Variants in ARG2 observed in about 807,000 individuals in gnomAD.
ARG2 encodes the protein arginase 2.
In ARG2, 21 loss-of-function variants were observed where a neutral mutation model predicts 39.4. The ratio of observed to expected loss-of-function variants is 0.53; its 90% confidence interval spans 0.38 to 0.77. ARG2 has a LOEUF of 0.77. Ranked by LOEUF, ARG2 falls within the 30% of genes least tolerant of loss-of-function variation. The pLI, the probability that ARG2 is intolerant of heterozygous loss-of-function variation, is 0.00. For synonymous variants in ARG2, 150 were observed against 156.7 expected (o/e 0.96, Z 0.32); for missense variants, 378 against 426.2 (o/e 0.89, Z 1.00).
chr14:67,650,078 A>C (rs2037152248), intron 7 of ARG2: 1 of 152,294 alleles, frequency 6.6e-6, no homozygotes, highest in East Asian at 1.9e-4. Flanking sequence ...ATATGGCTGA[A>C]TTTTCTCTTG....
At chr14:67,648,008 G>A (rs1469401058) in intron 6 of ARG2, 39 bp from the exon 7 acceptor site, 2 of 1,541,730 alleles carry the variant, frequency 1.3e-6, no homozygotes, top group African/African-American at 1.4e-5. Context: ...AACCAGTTAA[G>A]TATTATTTTA....
At chr14:67,632,807 A>ATTT (rs2036931641) in intron 2 of ARG2, among the ~76,000 whole-genome samples, 1 of 113,776 alleles carries the variant, frequency 8.8e-6, no homozygotes, top group Admixed American at 1.0e-4. Flanking sequence ...TAAGCCTCTT[A>ATTT]ATTTTTTTTT....
At chr14:67,620,505 A>T (rs1344129893) in intron 1 of ARG2, among the ~76,000 whole-genome samples, 1 of 152,162 alleles carries the variant, frequency 6.6e-6, no homozygotes, top group East Asian at 1.9e-4. Flanking sequence ...AGTCTTCTGG[A>T]TCCATTCACT....
At position 67,646,683 on chromosome 14, in the gene ARG2, A is replaced by T; in HGVS notation, c.562A>T (p.Ile188Phe). 6.2e-7 allele frequency: 1 copy of T among 1,613,812 alleles called. No homozygotes were observed. Among genetic ancestry groups the T allele is most frequent in the Non-Finnish European group, 8.5e-7 (1 of 1,179,726 alleles). ...AGGATTTTCCTGGATCAAACCTTGT[A>T]TCTCTTCTGCAAGTATTGTGTATAT... ...LPGFSWIKPCISSASIVYIGL... is the reference protein window; with the variant it reads ...LPGFSWIKPCFSSASIVYIGL... The change falls in exon 5 of 8, where the codon ATC becomes TTC. Residue 188 changes from isoleucine (I) to phenylalanine (F), a missense_variant. Transcript: ENST00000261783.
chr14:67,637,243 C>G (rs1210257681), intron 2 of ARG2, among the ~76,000 whole-genome samples: 1 of 151,630 alleles, frequency 6.6e-6, no homozygotes, highest in Non-Finnish European at 1.5e-5. Flanking sequence ...AACCTCGTCT[C>G]TACTAAAACT....
At chr14:67,636,456 T>G (rs2036973037) in intron 2 of ARG2, among the ~76,000 whole-genome samples, 1 of 152,226 alleles carries the variant, frequency 6.6e-6, no homozygotes, top group Admixed American at 6.5e-5. Flanking sequence ...GTAGAGCGTG[T>G]AGCACAGTGT....
At chr14:67,626,099 CA>C (rs2036863646) in intron 2 of ARG2, among the ~76,000 whole-genome samples, 1 of 151,928 alleles carries the variant, frequency 6.6e-6, no homozygotes, top group African/African-American at 2.4e-5. Context: ...CTAAAAAATA[CA>C]AAAATTAGCC....
intron 2 of ARG2, 110 bp from the exon 3 acceptor site, chr14:67,642,076 C>G: frequency 9.2e-7 from 1 of 1,084,348 alleles, no homozygotes; most frequent in Non-Finnish European, 1.3e-6. Context: ...TTTACTGTGA[C>G]AAAATGATTA....
At chr14:67,642,005 C>G (rs1387216933) in intron 2 of ARG2, among the ~76,000 whole-genome samples, 181 bp from the exon 3 acceptor site, 1 of 152,126 alleles carries the variant, frequency 6.6e-6, no homozygotes, top group Admixed American at 6.5e-5. Flanking sequence ...TTTCCAACAT[C>G]TGCAAAACTG....
At chr14:67,625,750 A>G (rs2036859919) in intron 2 of ARG2, among the ~76,000 whole-genome samples, 1 of 148,122 alleles carries the variant, frequency 6.8e-6, no homozygotes, top group Admixed American at 6.7e-5. Flanking sequence ...AAAAAAAAAG[A>G]GAAAAGGTAA....
rs1478160915 is a variant in ARG2 at position 67,628,561 on chromosome 14, A to G, written c.184+7595A>G. 1.2e-4 allele frequency among the ~76,000 whole-genome samples: 19 copies of G among 152,136 alleles called. 1 individual carries two copies. The highest frequency in any genetic ancestry group is 1.2e-3 in the Admixed American group (19 of 15,280). On this transcript the variant is annotated intron_variant, in intron 2 of 7. Coordinates refer to ENST00000261783, the MANE Select transcript of ARG2 (RefSeq NM_001172.4). The stretch of plus-strand genomic sequence containing the variant: ...ATGACAGCAAAGATTTTAACTTAAT[A>G]CCTCTTATTTAACTTAATACCTCTT...
chr14:67,647,008 T>G lies in ARG2; in HGVS notation c.705T>G (p.Phe235Leu). 1 of 1,610,902 alleles carries G rather than the reference T, an allele frequency of 6.2e-7. No homozygotes were observed. Among genetic ancestry groups the G allele is most frequent in the Non-Finnish European group, 8.5e-7 (1 of 1,177,354 alleles). Residue 235 changes from phenylalanine to leucine, a missense_variant, in exon 6 of 8, where the codon TTT becomes TTG. Transcript: ENST00000261783. ...TCCAGAAGGTCATGGAACGAACATTTGATCTGCTGATTGGCAAGTAAGTAA... is the reference window on the plus strand; with the variant it reads ...TCCAGAAGGTCATGGAACGAACATTGGATCTGCTGATTGGCAAGTAAGTAA... ...LGIQKVMERT[F>L]DLLIGKRQRP...
At chr14:67,620,305 C>T (rs936462359) in intron 1 of ARG2, among the ~76,000 whole-genome samples, 1 of 151,722 alleles carries the variant, frequency 6.6e-6, no homozygotes, top group African/African-American at 2.4e-5. Context: ...TGGAGGGCAC[C>T]CTGTTTGGGA....
Position 67,625,582 on chromosome 14 carries a change from AG to A in ARG2, c.184+4618del, listed in dbSNP as rs536337487. ...GTAATCCCAACTACTCGGGAGGCTG[AG>A]GCAGGAGAATTGCTTGAACCTGGGA... On this transcript the variant is annotated intron_variant, in intron 2 of 7. Coordinates refer to ENST00000261783, the MANE Select transcript of ARG2 (RefSeq NM_001172.4). Among the ~76,000 whole-genome samples, 1,361 of 149,348 alleles carry A rather than the reference AG, an allele frequency of 9.1e-3. 17 individuals carry two copies. Among genetic ancestry groups the A allele is most frequent in the Non-Finnish European group, 0.012 (833 of 67,486 alleles).
chr14:67,645,715 T>C lies in ARG2; in HGVS notation c.435T>C (p.His145=). 6.2e-7 allele frequency: 1 copy of C among 1,614,026 alleles called. No homozygotes were observed. Among genetic ancestry groups the C allele is most frequent in the Non-Finnish European group, 8.5e-7 (1 of 1,179,922 alleles). ...PDLCVVWVDA[H]ADINTPLTTS... is the part of the protein sequence containing the mutation. The stretch of plus-strand genomic sequence containing the variant: ...TTTGTGTTGTCTGGGTTGATGCCCA[T>C]GCTGACATCAACACACCCCTTACCA... Residue 145 remains histidine (H), a synonymous_variant, in exon 4 of 8, where the codon CAT becomes CAC. Coordinates refer to ENST00000261783, the MANE Select transcript of ARG2 (RefSeq NM_001172.4).
chr14:67,623,853 T>G (rs2036837047), intron 2 of ARG2, among the ~76,000 whole-genome samples: 1 of 152,074 alleles, frequency 6.6e-6, no homozygotes, highest in African/African-American at 2.4e-5. Flanking sequence ...CCTTTTATTT[T>G]TCTTTGAGAG....
intron 2 of ARG2, among the ~76,000 whole-genome samples, chr14:67,631,434 C>CTT (rs1319430069): frequency 2.3e-3 from 264 of 113,112 alleles, no homozygotes; most frequent in Middle Eastern, 5.4e-3. Context: ...TTCTTTCTTT[C>CTT]TTTTTTTTTT....
chr14:67,648,177 A>G lies in ARG2; in HGVS notation c.853A>G (p.Asn285Asp), dbSNP rs1361815388. 1 of 1,613,642 alleles carries G rather than the reference A, an allele frequency of 6.2e-7. No individual in the cohort carries two copies. Among genetic ancestry groups the G allele is most frequent in the East Asian group, 2.2e-5 (1 of 44,868 alleles). The change falls in exon 7 of 8, where the codon AAT becomes GAT. Residue 285 changes from asparagine (N) to aspartate (D), a missense_variant. Coordinates refer to ENST00000261783, the MANE Select transcript of ARG2 (RefSeq NM_001172.4). ...CATGTATATTGCTGAGGAAATACACAATACAGGTATGTAGCAACCAGGTCT... is the reference window on the plus strand; with the variant it reads ...CATGTATATTGCTGAGGAAATACACGATACAGGTATGTAGCAACCAGGTCT... ...EGMYIAEEIH[N>D]TGLLSALDLV...
chr14:67,632,285 A>G (rs1459494286), intron 2 of ARG2, among the ~76,000 whole-genome samples: 1 of 152,234 alleles, frequency 6.6e-6, no homozygotes, highest in Non-Finnish European at 1.5e-5. Context: ...TTATGGAAGT[A>G]TTCAAACATA....
Sources: allele counts gnomAD v4.1 joint callset (sites outside exome capture counted in the v4.1 genomes callset), GRCh38; gene constraint gnomAD v4.1.1; transcripts MANE v1.5; gene names NCBI Gene and HGNC (gene_info 2026-07-23, HGNC 2026-07-21).